DST: variants seen among roughly 807,000 people sequenced by gnomAD.
The protein encoded by DST is bullous pemphigoid antigen.
Under a neutral mutation model 875.2 loss-of-function variants are expected in DST, and 253 were observed. The observed-to-expected ratio is 0.29, with a 90% CI of 0.26 to 0.32. DST has a LOEUF of 0.32. Among genes scored for constraint, DST ranks in the 10% least tolerant of loss-of-function variants. The pLI is 1.00. For missense variants in DST, 8,287 were observed against 9,111.6 expected (o/e 0.91, Z 3.68); for synonymous variants, 3,124 against 3,197.1 (o/e 0.98, Z 0.77).
rs767818989 is a variant in DST at position 56,608,544 on chromosome 6, C to T, written c.6084G>A (p.Gln2028=). 10 of 1,613,368 alleles carry T rather than the reference C, an allele frequency of 6.2e-6. No homozygotes were observed. The highest frequency in any genetic ancestry group is 6.8e-6 in the Non-Finnish European group (8 of 1,179,734). Residue 2028 remains glutamine (Q), a synonymous_variant, in exon 40 of 104, where the codon CAG becomes CAA. Coordinates refer to ENST00000680361, the MANE Select transcript of DST (RefSeq NM_001374736.1). ...RDTASSILTY[Q]VQTGGIIQSN... ...ACTGGATGATTCCACCAGTTTGAACCTGATATGTGAGGATACTGCTAGCAG... is the reference window on the plus strand; with the variant it reads ...ACTGGATGATTCCACCAGTTTGAACTTGATATGTGAGGATACTGCTAGCAG...
rs182150162 is a variant in DST at position 56,892,912 on chromosome 6, T to C, written c.417+7509A>G. 2.6e-5 allele frequency among the ~76,000 whole-genome samples: 4 copies of C among 152,330 alleles called. No individual in the cohort carries two copies. The East Asian group carries it at 7.7e-4, about 29-fold the overall frequency. On this transcript the variant is annotated intron_variant, in intron 3 of 103. Transcript: ENST00000680361. ...GGGAGGAGGAATAAAAGGAAGAAAC[T>C]ACTATTTATTGTTTATTCTATGCAG...
At chr6:56,936,103 G>C (rs1433446832) in intron 2 of DST, among the ~76,000 whole-genome samples, 1 of 152,164 alleles carries the variant, frequency 6.6e-6, no homozygotes, top group Non-Finnish European at 1.5e-5. Flanking sequence ...ATCTCTACCA[G>C]CATCATCTTA....
At chr6:56,514,530 C>T (rs2096549123) in intron 72 of DST, among the ~76,000 whole-genome samples, 2 of 151,528 alleles carry the variant, frequency 1.3e-5, no homozygotes, top group Admixed American at 1.3e-4. Flanking sequence ...TTTTCCCTCC[C>T]TTTCTCTCTC....
At chr6:56,881,341 G>A (rs867876798) in intron 3 of DST, among the ~76,000 whole-genome samples, 2 of 151,848 alleles carry the variant, frequency 1.3e-5, no homozygotes, top group African/African-American at 2.4e-5. Flanking sequence ...GGCTTGGTGA[G>A]ACATGCCTGT....
chr6:56,590,289 C>T (rs1175528591), intron 49 of DST, among the ~76,000 whole-genome samples: 2 of 152,094 alleles, frequency 1.3e-5, no homozygotes, highest in Non-Finnish European at 2.9e-5. Flanking sequence ...AAAACCATCA[C>T]ATTCTTTGGG....
In DST at chr6:56,728,754, C is replaced by T. The variant is rs150334777; in HGVS notation, c.687+6474G>A. 2.0e-3 allele frequency among the ~76,000 whole-genome samples: 301 copies of T among 152,188 alleles called. 2 individuals carry two copies. The highest frequency in any genetic ancestry group is 2.3e-3 in the Non-Finnish European group (155 of 67,990). ...CCTAAATGCAATACCTGACCCTGAA[C>T]TGGTCCTTGCCCTCGGGGAAGAGAG... On this transcript the variant is annotated intron_variant, in intron 5 of 103. Transcript: ENST00000680361.
chr6:56,824,566 T>G (rs928554780), intron 4 of DST, among the ~76,000 whole-genome samples: 1 of 149,458 alleles, frequency 6.7e-6, no homozygotes, highest in African/African-American at 2.5e-5. Context: ...ATGAGGAGCG[T>G]CTCTGCCCGG....
chr6:56,805,799 C>A (rs2099752348), intron 4 of DST, among the ~76,000 whole-genome samples: 1 of 152,190 alleles, frequency 6.6e-6, no homozygotes, highest in Admixed American at 6.5e-5. Flanking sequence ...TGGGAAGTGG[C>A]ATATTTTGTT....
chr6:56,702,998 G>C (rs2099316635), intron 7 of DST, among the ~76,000 whole-genome samples: 1 of 151,730 alleles, frequency 6.6e-6, no homozygotes, highest in Non-Finnish European at 1.5e-5. Flanking sequence ...GTAAAATCAA[G>C]GGGCACTAGG....
chr6:56,820,895 AG>A (rs1457376988), intron 4 of DST, among the ~76,000 whole-genome samples: 2 of 152,168 alleles, frequency 1.3e-5, no homozygotes, highest in African/African-American at 4.8e-5. Context: ...TGCCAAGCTG[AG>A]GTTCCCTTTC....
At chr6:56,711,952 G>C (rs893887983) in intron 5 of DST, among the ~76,000 whole-genome samples, 1 of 150,564 alleles carries the variant, frequency 6.6e-6, no homozygotes, top group Non-Finnish European at 1.5e-5. Flanking sequence ...TTAGCCGGGC[G>C]TAGTGGCGGG....
chr6:56,738,290 T>A (rs1279525511), intron 4 of DST, among the ~76,000 whole-genome samples: 2 of 152,220 alleles, frequency 1.3e-5, no homozygotes, highest in Non-Finnish European at 2.9e-5. Flanking sequence ...AGAAGTAGTT[T>A]GCTAATTCTG....
intron 2 of DST, among the ~76,000 whole-genome samples, chr6:56,931,633 G>A (rs1810259840): frequency 6.6e-6 from 1 of 152,208 alleles, no homozygotes; most frequent in Non-Finnish European, 1.5e-5. Context: ...CAGGGGTGGA[G>A]CTGCCCAAGA....
In DST at chr6:56,555,792, T is replaced by C. The variant is rs539639453; in HGVS notation, c.14689A>G (p.Thr4897Ala). ...ATRKPQYEQLTAAGQGILSRP... is the reference protein window; with the variant it reads ...ATRKPQYEQLAAAGQGILSRP... Reference sequence around the variant, plus strand: ...CTCAGAATGCCCTGACCAGCTGCTGTCAGCTGTTCATATTGAGGTTTCCGA... The same window carrying C: ...CTCAGAATGCCCTGACCAGCTGCTGCCAGCTGTTCATATTGAGGTTTCCGA... Residue 4897 changes from threonine to alanine, a missense_variant, in exon 60 of 104, where the codon ACA (threonine) becomes GCA (alanine). By Grantham distance (58) the Thr-to-Ala change is moderately conservative. This residue lies in a region of DST where 1,513 missense variants were observed against 1,677.8 expected (regional missense o/e 0.90). Transcript: ENST00000680361. The C allele has an allele frequency of 3.5e-5, 55 of 1,555,174 alleles. No homozygotes were observed. In the South Asian group the frequency reaches 6.8e-4, roughly 19 times the overall value.
chr6:56,485,319 T>C lies in DST; in HGVS notation c.21200A>G (p.Asn7067Ser). 1 of 1,613,752 alleles carries C rather than the reference T, an allele frequency of 6.2e-7. No individual in the cohort carries two copies. The change falls in exon 88 of 104, where the codon AAT (asparagine) becomes AGT (serine). Residue 7067 changes from asparagine (N) to serine (S), a missense_variant. By Grantham distance (46) the Asn-to-Ser change is conservative. This residue lies in a region of DST where 1,292 missense variants were observed against 1,552.7 expected (regional missense o/e 0.83). Coordinates refer to ENST00000680361, the MANE Select transcript of DST (RefSeq NM_001374736.1). The stretch of plus-strand genomic sequence containing the variant: ...TGTCCCAGATAACAATACCTTGTGA[T>C]TATCGATCAGATTCATCACCAAATC... Reference protein sequence around the residue: ...DIDLVMNLIDNHKAFQKELGK... With the variant: ...DIDLVMNLIDSHKAFQKELGK...
rs961449214 is a variant in DST at position 56,573,122 on chromosome 6, GAATT to G, written c.13237-62_13237-59del. 1.2e-5 allele frequency: 16 copies of G among 1,389,406 alleles called. No individual in the cohort carries two copies. In the African/African-American group the frequency reaches 2.3e-4, roughly 20 times the overall value. 86.1% of individuals were successfully genotyped at this position (1,389,406 alleles called of 1,614,324 possible). On this transcript the variant is annotated intron_variant, in intron 51 of 103. Coordinates refer to ENST00000680361, the MANE Select transcript of DST (RefSeq NM_001374736.1). The stretch of plus-strand genomic sequence containing the variant: ...TATGATGCTTATAAATAATGTGACA[GAATT>G]TTTTTAAATGACTATTCCTAACAAC...
intron 72 of DST, 89 bp downstream of exon 72, chr6:56,515,361 G>C: frequency 7.1e-7 from 1 of 1,412,214 alleles, no homozygotes; most frequent in South Asian, 1.3e-5. Context: ...CCTTAATCAT[G>C]TAAGTGTTTA....
intron 54 of DST, 116 bp from the exon 55 acceptor site, chr6:56,568,711 G>T: frequency 1.1e-6 from 1 of 936,360 alleles, no homozygotes; most frequent in Non-Finnish European, 1.5e-6. Flanking sequence ...TGATTTGTGA[G>T]GGAGTCGATG....
At chr6:56,723,022 A>C (rs2152915357) in intron 5 of DST, among the ~76,000 whole-genome samples, 1 of 152,348 alleles carries the variant, frequency 6.6e-6, no homozygotes, top group African/African-American at 2.4e-5. Context: ...CATGAGAATA[A>C]AATAAAGGAA....
Sources: gnomAD v4.1 joint callset for allele counts (sites outside exome capture counted in the v4.1 genomes callset) on GRCh38, gnomAD v4.1.1 for gene constraint, gnomAD v4.1.1 regional missense constraint, MANE v1.5 for transcripts, NCBI Gene and HGNC (gene_info 2026-07-23, HGNC 2026-07-21) for gene names.